The following SLIT3 variants were observed in gnomAD, a reference collection of about 807,000 sequenced individuals.
The protein encoded by SLIT3 is slit homolog 3 protein.
Under a neutral mutation model 184.0 loss-of-function variants are expected in SLIT3, and 68 were observed. The ratio of observed to expected loss-of-function variants is 0.37; its 90% CI spans 0.30 to 0.45. The LOEUF is 0.45. SLIT3 is among the 20% of genes least tolerant of loss of function. The pLI is 1.00. For synonymous variants in SLIT3, 831 were observed against 828.6 expected (o/e 1.00, Z -0.05); for missense variants, 1,707 against 2,026.0 (o/e 0.84, Z 3.02).
At chr5:169,271,869 A>G (rs1030330317) in intron 1 of SLIT3, among the ~76,000 whole-genome samples, 4 of 152,196 alleles carry the variant, frequency 2.6e-5, no homozygotes, top group Admixed American at 6.5e-5. Flanking sequence ...TATGGGGTAG[A>G]GCTCTGAGGC....
At chr5:168,830,614 A>C (rs1457610894) in intron 6 of SLIT3, among the ~76,000 whole-genome samples, 1 of 152,244 alleles carries the variant, frequency 6.6e-6, no homozygotes, top group African/African-American at 2.4e-5. Context: ...GTGTTTACTA[A>C]GTCCCAGCAC....
chr5:169,058,776 A>G (rs1338767559), intron 4 of SLIT3, among the ~76,000 whole-genome samples: 2 of 152,202 alleles, frequency 1.3e-5, no homozygotes, highest in African/African-American at 4.8e-5. Flanking sequence ...TAAGTCCTCT[A>G]CTTCTTTCTC....
chr5:169,188,518 A>G (rs140212972), intron 4 of SLIT3, among the ~76,000 whole-genome samples: 6 of 152,256 alleles, frequency 3.9e-5, no homozygotes, highest in African/African-American at 1.4e-4. Context: ...CACAGCTTAC[A>G]GGTAGAAGAG....
chr5:169,011,557 C>T (rs910384095), intron 4 of SLIT3, among the ~76,000 whole-genome samples: 1 of 152,046 alleles, frequency 6.6e-6, no homozygotes, highest in Non-Finnish European at 1.5e-5. Flanking sequence ...ATCAGAGGTC[C>T]CTTGTAGACC....
At chr5:168,956,744 G>C (rs948375766) in intron 4 of SLIT3, among the ~76,000 whole-genome samples, 1 of 152,188 alleles carries the variant, frequency 6.6e-6, no homozygotes, top group South Asian at 2.1e-4. Context: ...AGTGAGCCGA[G>C]ATAGCGCCAC....
intron 4 of SLIT3, among the ~76,000 whole-genome samples, chr5:169,161,403 G>A (rs1046457527): frequency 3.3e-5 from 5 of 152,038 alleles, no homozygotes; most frequent in Non-Finnish European, 7.4e-5. Context: ...CTCTGTACCC[G>A]CCCACTGGCT....
chr5:169,148,391 C>A (rs1263593412), intron 4 of SLIT3, among the ~76,000 whole-genome samples: 2 of 152,186 alleles, frequency 1.3e-5, no homozygotes, highest in African/African-American at 4.8e-5. Context: ...AAAACGTCCA[C>A]ACGGGCAGAA....
chr5:169,242,337 T>G (rs779077127), intron 3 of SLIT3, among the ~76,000 whole-genome samples: 8 of 152,204 alleles, frequency 5.3e-5, no homozygotes, highest in Non-Finnish European at 1.2e-4. Flanking sequence ...AAGTCAGAGA[T>G]TGGCCAACTG....
At chr5:168,910,518 T>G (rs1380944747) in intron 4 of SLIT3, among the ~76,000 whole-genome samples, 1 of 151,284 alleles carries the variant, frequency 6.6e-6, no homozygotes, top group Non-Finnish European at 1.5e-5. Context: ...CCGAGGCGGG[T>G]GGATCACAAG....
chr5:169,031,587 C>G (rs747921838), intron 4 of SLIT3, among the ~76,000 whole-genome samples: 23 of 152,174 alleles, frequency 1.5e-4, no homozygotes, highest in Middle Eastern at 3.2e-3. Flanking sequence ...GGAACAGCAC[C>G]GTCTGGCATG....
chr5:169,236,840 T>C (rs531852372), intron 3 of SLIT3, among the ~76,000 whole-genome samples: 31 of 152,326 alleles, frequency 2.0e-4, no homozygotes, highest in African/African-American at 7.5e-4. Context: ...TATGTATATA[T>C]TCATTGATAT....
At chr5:168,925,651 G>A (rs1362020955) in intron 4 of SLIT3, among the ~76,000 whole-genome samples, 2 of 148,690 alleles carry the variant, frequency 1.3e-5, no homozygotes, top group African/African-American at 2.5e-5. Context: ...GCAATCTGTA[G>A]TCTCTGCCCT....
At chr5:169,137,477 C>T (rs749842200) in intron 4 of SLIT3, among the ~76,000 whole-genome samples, 1 of 151,990 alleles carries the variant, frequency 6.6e-6, no homozygotes, top group Admixed American at 6.5e-5. Context: ...GCAAATCTCT[C>T]CTCTCATTAG....
chr5:169,148,621 G>A (rs762528300), intron 4 of SLIT3, among the ~76,000 whole-genome samples: 8 of 152,178 alleles, frequency 5.3e-5, no homozygotes, highest in Non-Finnish European at 7.3e-5. Context: ...TTCTTTGCAC[G>A]TTGTTCTGTG....
chr5:169,038,174 G>A (rs1161680637), intron 4 of SLIT3, among the ~76,000 whole-genome samples: 1 of 152,200 alleles, frequency 6.6e-6, no homozygotes, highest in African/African-American at 2.4e-5. Flanking sequence ...AATGCTTAAT[G>A]TAAATTTCTT....
chr5:168,884,010 G>C (rs1325076203), intron 4 of SLIT3, among the ~76,000 whole-genome samples: 1 of 152,050 alleles, frequency 6.6e-6, no homozygotes, highest in Non-Finnish European at 1.5e-5. Flanking sequence ...GGAGGGTGAG[G>C]GATAGTGTCA....
At position 169,245,783 on chromosome 5, in the gene SLIT3, C is replaced by A. The variant is rs193165809; in HGVS notation, c.270-1007G>T. Among the ~76,000 whole-genome samples the A allele has an allele frequency of 1.4e-4, 21 of 152,308 alleles. No homozygotes were observed. In the East Asian group the frequency reaches 3.9e-3, roughly 28 times the overall value. Reference sequence around the variant, plus strand: ...TTATATCAAACTGAATGCTCCATGACAGTCTCTCCCCATTAGATGTTTCAT... The same window carrying A: ...TTATATCAAACTGAATGCTCCATGAAAGTCTCTCCCCATTAGATGTTTCAT... On this transcript the variant is annotated intron_variant, in intron 2 of 35. Coordinates refer to ENST00000519560, the MANE Select transcript of SLIT3 (RefSeq NM_003062.4).
intron 4 of SLIT3, among the ~76,000 whole-genome samples, chr5:169,140,785 G>C (rs1020656316): frequency 2.6e-5 from 4 of 152,192 alleles, no homozygotes; most frequent in South Asian, 2.1e-4. Context: ...GGGTCACAGA[G>C]TGAGAGACCC....
At chr5:168,850,871 G>A (rs1394376400) in intron 5 of SLIT3, among the ~76,000 whole-genome samples, 1 of 152,186 alleles carries the variant, frequency 6.6e-6, no homozygotes, top group Non-Finnish European at 1.5e-5. Context: ...GCCACAAAGA[G>A]GCACACCAGA....
Sources: allele counts gnomAD v4.1 joint callset (sites outside exome capture counted in the v4.1 genomes callset), GRCh38; gene constraint gnomAD v4.1.1; transcripts MANE v1.5; gene names NCBI Gene and HGNC (gene_info 2026-07-23, HGNC 2026-07-21).